MYRIP: variants seen among roughly 807,000 people sequenced by gnomAD.
MYRIP encodes myosin VIIA and Rab interacting protein, also known as rab effector MyRIP.
In MYRIP, 49 loss-of-function variants were observed where a neutral mutation model predicts 98.0. The observed-to-expected ratio is 0.50, with a 90% CI of 0.40 to 0.63. The LOEUF (loss-of-function observed/expected upper bound fraction) is 0.63, where lower values mean the gene tolerates loss of function less well. Ranked by LOEUF, MYRIP falls within the 30% of genes least tolerant of loss-of-function variation. The probability of loss-of-function intolerance (pLI) is 0.00; values close to 1 mark genes in which losing one functional copy is unlikely to be tolerated. For synonymous variants in MYRIP, 404 were observed against 409.5 expected (o/e 0.99, Z 0.16); for missense variants, 1,004 against 1,058.2 (o/e 0.95, Z 0.71).
At chr3:40,025,777 G>A (rs1237413440) in intron 2 of MYRIP, among the ~76,000 whole-genome samples, 1 of 152,110 alleles carries the variant, frequency 6.6e-6, no homozygotes, top group Non-Finnish European at 1.5e-5. Context: ...TTCAAAAGGG[G>A]AGGGGGTGTA....
chr3:40,231,768 CT>C (rs1157839110), intron 11 of MYRIP, among the ~76,000 whole-genome samples: 4 of 151,790 alleles, frequency 2.6e-5, no homozygotes, highest in South Asian at 2.1e-4. Context: ...TATGGTCTAA[CT>C]TTTTTTTCTG....
At chr3:40,160,204 C>A (rs543410552) in intron 4 of MYRIP, among the ~76,000 whole-genome samples, 1 of 152,092 alleles carries the variant, frequency 6.6e-6, no homozygotes. Flanking sequence ...GTTAGTTTTC[C>A]TTCTAACAGA....
chr3:39,984,695 A>G (rs1299418836), intron 2 of MYRIP, among the ~76,000 whole-genome samples: 5 of 152,000 alleles, frequency 3.3e-5, no homozygotes, highest in Non-Finnish European at 7.4e-5. Context: ...ATATGTGTGC[A>G]TGTGTCTTTA....
At chr3:39,999,366 A>G (rs1946456552) in intron 2 of MYRIP, among the ~76,000 whole-genome samples, 1 of 152,246 alleles carries the variant, frequency 6.6e-6, no homozygotes, top group African/African-American at 2.4e-5. Context: ...TGGGTGAAGG[A>G]TATGAACAGA....
At chr3:39,859,276 A>G (rs1942392627) in intron 1 of MYRIP, among the ~76,000 whole-genome samples, 1 of 152,184 alleles carries the variant, frequency 6.6e-6, no homozygotes, top group Non-Finnish European at 1.5e-5. Flanking sequence ...TGGATACCCT[A>G]GAAGAACGAG....
intron 5 of MYRIP, among the ~76,000 whole-genome samples, chr3:40,165,723 G>A (rs1018708451): frequency 4.8e-5 from 7 of 146,874 alleles, no homozygotes; most frequent in Non-Finnish European, 7.4e-5. Flanking sequence ...ACCTGGGGAA[G>A]TCCTTTATTT....
intron 2 of MYRIP, among the ~76,000 whole-genome samples, chr3:39,939,468 A>G (rs1160595939): frequency 6.6e-6 from 1 of 152,154 alleles, no homozygotes; most frequent in Non-Finnish European, 1.5e-5. Flanking sequence ...CTGAAATTAC[A>G]TCTAGTGAAA....
intron 1 of MYRIP, among the ~76,000 whole-genome samples, chr3:39,865,451 T>A (rs1055855195): frequency 3.3e-5 from 5 of 152,122 alleles, no homozygotes; most frequent in African/African-American, 1.2e-4. Context: ...AAATCCAGCA[T>A]CTATAAGGAA....
intron 4 of MYRIP, among the ~76,000 whole-genome samples, chr3:40,158,790 T>C (rs1950307348): frequency 6.8e-6 from 1 of 146,904 alleles, no homozygotes; most frequent in Non-Finnish European, 1.5e-5. Flanking sequence ...TGGTTTAAAG[T>C]ATGTTTTATC....
intron 3 of MYRIP, among the ~76,000 whole-genome samples, chr3:40,115,794 CTTT>C (rs375597220): frequency 7.1e-6 from 1 of 141,528 alleles, no homozygotes. Flanking sequence ...GTTCACAGTT[CTTT>C]TTTTTTTTTT....
chr3:40,203,647 A>G (rs1951633663), intron 10 of MYRIP, among the ~76,000 whole-genome samples: 1 of 135,008 alleles, frequency 7.4e-6, no homozygotes, highest in Non-Finnish European at 1.5e-5. Flanking sequence ...CAAGTTCCAT[A>G]TAAATATATA....
intron 1 of MYRIP, among the ~76,000 whole-genome samples, chr3:39,889,568 T>C (rs1943423634): frequency 6.6e-6 from 1 of 152,162 alleles, no homozygotes; most frequent in Non-Finnish European, 1.5e-5. Context: ...TTGGGAGATA[T>C]ACCTAATGCT....
intron 12 of MYRIP, 60 bp from the exon 13 acceptor site, chr3:40,244,386 G>T: frequency 2.7e-6 from 4 of 1,497,122 alleles, no homozygotes; most frequent in East Asian, 2.4e-5. Flanking sequence ...TCCCCTCAAG[G>T]GACCCCCAAC....
At chr3:39,965,032 C>T (rs1220732038) in intron 2 of MYRIP, among the ~76,000 whole-genome samples, 3 of 152,058 alleles carry the variant, frequency 2.0e-5, no homozygotes, top group Non-Finnish European at 4.4e-5. Context: ...TATCCCTATA[C>T]AGGCATTAAG....
At chr3:40,052,606 A>G (rs1947814476) in intron 3 of MYRIP, among the ~76,000 whole-genome samples, 1 of 152,290 alleles carries the variant, frequency 6.6e-6, no homozygotes, top group African/African-American at 2.4e-5. Context: ...ACATTTTACC[A>G]TCATGTATCA....
chr3:39,923,483 A>G (rs1272248749), intron 2 of MYRIP, among the ~76,000 whole-genome samples: 1 of 152,172 alleles, frequency 6.6e-6, no homozygotes, highest in Admixed American at 6.5e-5. Flanking sequence ...CAGAAATCAT[A>G]CAGGCGAGAA....
At chr3:40,090,676 C>G (rs1046219735) in intron 3 of MYRIP, among the ~76,000 whole-genome samples, 7 of 152,210 alleles carry the variant, frequency 4.6e-5, no homozygotes. Context: ...ATGCGTTTCT[C>G]TGTCCAGGGC....
intron 3 of MYRIP, among the ~76,000 whole-genome samples, chr3:40,145,826 T>C (rs893349289): frequency 6.6e-6 from 1 of 152,180 alleles, no homozygotes; most frequent in African/African-American, 2.4e-5. Flanking sequence ...GTCCATACTA[T>C]GGAGAACTCT....
chr3:40,062,276 A>G (rs896666283), intron 3 of MYRIP, among the ~76,000 whole-genome samples: 2 of 152,238 alleles, frequency 1.3e-5, no homozygotes, highest in Non-Finnish European at 1.5e-5. Context: ...TTTCATATAT[A>G]GCGCAAGGAA....
Sources: allele counts gnomAD v4.1 joint callset (sites outside exome capture counted in the v4.1 genomes callset), GRCh38; gene constraint gnomAD v4.1.1; transcripts MANE v1.5; gene names NCBI Gene and HGNC (gene_info 2026-07-23, HGNC 2026-07-21).